CMTM1: variants seen among roughly 807,000 people sequenced by gnomAD.
CMTM1 encodes CKLF-like MARVEL transmembrane domain-containing protein 1.
A neutral mutation model predicts 17.8 loss-of-function variants in CMTM1; 16 were observed. The ratio of observed to expected loss-of-function variants is 0.90; its 90% CI spans 0.61 to 1.37. CMTM1 has a LOEUF of 1.37. CMTM1 is among the 40% of genes most tolerant of loss of function. The pLI is 0.00. For missense variants in CMTM1, 354 were observed against 375.6 expected (o/e 0.94, Z 0.47); for synonymous variants, 169 against 154.6 (o/e 1.09, Z -0.69).
At chr16:66,569,792 AT>A in intron 1 of CMTM1, 143 bp from the exon 2 acceptor site, 2 of 575,504 alleles carry the variant, frequency 3.5e-6, no homozygotes, top group Non-Finnish European at 5.9e-6. Flanking sequence ...CATGTATTTC[AT>A]TTCTTCAAAA....
chr16:66,575,919 G>A (rs771710526), intron 2 of CMTM1, among the ~76,000 whole-genome samples: 4 of 152,198 alleles, frequency 2.6e-5, no homozygotes, highest in Non-Finnish European at 4.4e-5. Flanking sequence ...CCATATTGTG[G>A]TTATGTCCTC....
At chr16:66,578,715 G>A (rs1383949445) in intron 3 of CMTM1, 116 bp from the exon 4 acceptor site, 27 of 1,375,328 alleles carry the variant, frequency 2.0e-5, no homozygotes, top group Non-Finnish European at 2.7e-5. Context: ...AAGGGTCAGA[G>A]GGGACAGGAG....
At chr16:66,568,051 G>T (rs1241002583) in intron 1 of CMTM1, among the ~76,000 whole-genome samples, 2 of 152,158 alleles carry the variant, frequency 1.3e-5, no homozygotes, top group Non-Finnish European at 2.9e-5. Flanking sequence ...CTCTAACTTT[G>T]TCAAAGAATA....
Position 66,573,689 on chromosome 16 carries a change from T to C in CMTM1, c.592-3415T>C, listed in dbSNP as rs544553677. On this transcript the variant is annotated intron_variant, in intron 2 of 3. Coordinates refer to ENST00000379500, the MANE Select transcript of CMTM1 (RefSeq NM_052999.4). ...AATCATGTTTAACGTTTTTCTTTTT[T>C]TTTTTTTTTTTTTTTGAGATGGAGT... Among the ~76,000 whole-genome samples the C allele has an allele frequency of 3.4e-3, 497 of 145,648 alleles. 1 individual carries two copies. Among genetic ancestry groups the C allele is most frequent in the Non-Finnish European group, 5.6e-3 (368 of 66,154 alleles).
intron 2 of CMTM1, among the ~76,000 whole-genome samples, chr16:66,576,118 C>T (rs565246343): frequency 6.6e-6 from 1 of 152,204 alleles, no homozygotes; most frequent in African/African-American, 2.4e-5. Context: ...CAGGACTGGC[C>T]GGGCGCGGTG....
intron 2 of CMTM1, among the ~76,000 whole-genome samples, chr16:66,573,270 C>T (rs2013794967): frequency 6.6e-6 from 1 of 152,140 alleles, no homozygotes; most frequent in Non-Finnish European, 1.5e-5. Context: ...AAAATTTAAA[C>T]CCATTTTTAC....
At position 66,566,807 on chromosome 16, in the gene CMTM1, A is replaced by C. The variant is rs2012475962; in HGVS notation, c.294A>C (p.Ala98=). Residue 98 remains alanine (A), a synonymous_variant, in exon 1 of 4, where the codon GCA becomes GCC. Coordinates refer to ENST00000379500, the MANE Select transcript of CMTM1 (RefSeq NM_052999.4). This position sits in a 1 kb window ranked among gnomAD's most constrained non-coding sequence, Gnocchi z 4.9. ...KPTLPPPTPS[A]HTESKLLNEM... is the part of the protein sequence containing the mutation. ...CACTCCCACCCCCCACGCCCTCTGC[A>C]CACACTGAATCCAAACTCTTAAATG... 1.9e-6 allele frequency: 3 copies of C among 1,612,756 alleles called. No individual in the cohort carries two copies. The highest frequency in any genetic ancestry group is 2.5e-6 in the Non-Finnish European group (3 of 1,179,838).
intron 2 of CMTM1, among the ~76,000 whole-genome samples, chr16:66,575,980 C>T (rs144298820): frequency 8.5e-5 from 13 of 152,354 alleles, no homozygotes; most frequent in Non-Finnish European, 1.5e-4. Context: ...ACTGTGTACT[C>T]GTTCCTCCAT....
intron 1 of CMTM1, among the ~76,000 whole-genome samples, chr16:66,569,685 G>T (rs2144617109): frequency 6.6e-6 from 1 of 152,296 alleles, no homozygotes; most frequent in Middle Eastern, 3.4e-3. Context: ...GTTAATAGTG[G>T]TTACTTTTAA....
In CMTM1 at chr16:66,569,942, A is replaced by G; in HGVS notation, c.439A>G (p.Ile147Val). The G allele has an allele frequency of 6.2e-7, 1 of 1,600,220 alleles. No homozygotes were observed. Among genetic ancestry groups the G allele is most frequent in the Non-Finnish European group, 8.5e-7 (1 of 1,175,810 alleles). Residue 147 changes from isoleucine to valine, a missense_variant, in exon 2 of 4, where the codon ATC becomes GTC. Ile to Val is a conservative substitution (Grantham distance 29). Transcript: ENST00000379500. ...GMLKILRLSLILGALACFIIT... is the reference protein window; with the variant it reads ...GMLKILRLSLVLGALACFIIT... ...CCTGTTTCTTTTATTGCAGAGTCTT[A>G]TCTTAGGAGCATTAGCTTGTTTCAT...
At chr16:66,567,073 C>T (rs1041185392) in intron 1 of CMTM1, 128 bp downstream of exon 1, 2 of 942,304 alleles carry the variant, frequency 2.1e-6, no homozygotes, top group Non-Finnish European at 3.3e-6. Context: ...TGTTTTGCCT[C>T]ACCTTTCCTC....
intron 3 of CMTM1, among the ~76,000 whole-genome samples, chr16:66,577,897 A>C (rs2014446267): frequency 6.6e-6 from 1 of 151,214 alleles, no homozygotes; most frequent in Admixed American, 6.6e-5. Flanking sequence ...ATGCAGAAAA[A>C]GAGTTCATTT....
At chr16:66,567,331 AGTGTGTGATGTTCCCCTCCCT>A in intron 1 of CMTM1, 1 of 324,884 alleles carries the variant, frequency 3.1e-6, no homozygotes, top group South Asian at 2.6e-5. Flanking sequence ...TACAGGCCCC[AGTGTGTGATGTTCCCCTCCCT>A]GTGTCCATGT....
rs762317754 is a variant in CMTM1 at position 66,577,197 on chromosome 16, G to C, written c.685G>C (p.Gly229Arg). The change falls in exon 3 of 4, where the codon GGG becomes CGG. Residue 229 changes from glycine (G) to arginine (R), a missense_variant. Gly to Arg is a moderately radical substitution (Grantham distance 125). Transcript: ENST00000379500. Reference protein sequence around the residue: ...EKKRRHLLYVGGSLCLTAVIV... With the variant: ...EKKRRHLLYVRGSLCLTAVIV... Reference sequence around the variant, plus strand: ...GAAAAGAAGGCATTTACTCTATGTCGGGGGGGTAAGTAGAGGCCTTCATGA... The same window carrying C: ...GAAAAGAAGGCATTTACTCTATGTCCGGGGGGTAAGTAGAGGCCTTCATGA... 1.9e-6 allele frequency: 3 copies of C among 1,608,882 alleles called. No individual in the cohort carries two copies. Among genetic ancestry groups the C allele is most frequent in the East Asian group, 2.2e-5 (1 of 44,784 alleles).
chr16:66,574,731 T>C (rs1458762093), intron 2 of CMTM1, among the ~76,000 whole-genome samples: 2 of 152,212 alleles, frequency 1.3e-5, no homozygotes, highest in Non-Finnish European at 2.9e-5. Flanking sequence ...ATTATTATCA[T>C]TAATGATGTG....
At chr16:66,573,652 T>C (rs964511861) in intron 2 of CMTM1, among the ~76,000 whole-genome samples, 8 of 152,130 alleles carry the variant, frequency 5.3e-5, no homozygotes, top group African/African-American at 1.9e-4. Flanking sequence ...AAATACTACA[T>C]TTTGTGAAAC....
At position 66,567,329 on chromosome 16, in the gene CMTM1, CCA is replaced by C. The variant is rs1597148568; in HGVS notation, c.432+385_432+386del. On this transcript the variant is annotated intron_variant, in intron 1 of 3. Transcript: ENST00000379500. ...CCTAGTCCCCCACTCCCTACAGGCC[CCA>C]GTGTGTGATGTTCCCCTCCCTGTGT... The C allele has an allele frequency of 9.1e-6, 3 of 329,708 alleles. No homozygotes were observed. In the East Asian group the frequency reaches 2.5e-4, roughly 28 times the overall value. The allele number at this position is 329,708 out of a possible 1,614,324, so 20.4% of individuals were successfully genotyped here.
chr16:66,578,801 C>T (rs1046868673), intron 3 of CMTM1, 30 bp from the exon 4 acceptor site: 6 of 1,607,498 alleles, frequency 3.7e-6, no homozygotes, highest in Admixed American at 1.7e-5. Context: ...CCCCGTCTTT[C>T]CTTCCCGCAT....
intron 2 of CMTM1, chr16:66,575,201 A>G: frequency 1.0e-6 from 1 of 985,464 alleles, no homozygotes; most frequent in Non-Finnish European, 1.2e-6. Context: ...TGGAGTTTGC[A>G]GAGAGTTTAC....
Sources: gnomAD v4.1 joint callset for allele counts (sites outside exome capture counted in the v4.1 genomes callset) on GRCh38, gnomAD v4.1.1 for gene constraint, Gnocchi (gnomAD v3.1) non-coding constraint, MANE v1.5 for transcripts, NCBI Gene and HGNC (gene_info 2026-07-23, HGNC 2026-07-21) for gene names.